Variants in PCDHGB6 observed in about 807,000 individuals in gnomAD.
PCDHGB6 encodes the protein protocadherin gamma-B6.
In PCDHGB6, 51 loss-of-function variants were observed where a neutral mutation model predicts 59.1. The observed-to-expected ratio is 0.86, with a 90% CI of 0.69 to 1.09. The LOEUF (loss-of-function observed/expected upper bound fraction) is 1.09. Among genes scored for constraint, PCDHGB6 ranks in the 50% least tolerant of loss-of-function variants. The pLI is 0.00. For synonymous variants in PCDHGB6, 466 were observed against 495.1 expected (o/e 0.94, Z 0.78); for missense variants, 1,148 against 1,205.1 (o/e 0.95, Z 0.70).
At chr5:141,478,500 T>G in intron 1 of PCDHGB6, 1 of 1,612,740 alleles carries the variant, frequency 6.2e-7, no homozygotes, top group Non-Finnish European at 8.5e-7. Flanking sequence ...TGTGATCCGG[T>G]GTTCTATAGG....
rs747437039 is a variant in PCDHGB6 at position 141,413,919 on chromosome 5, G to T, written c.2418+3299G>T. The T allele has an allele frequency of 1.2e-5, 19 of 1,613,284 alleles. 1 individual carries two copies. The highest frequency in any genetic ancestry group is 1.6e-5 in the Non-Finnish European group (19 of 1,179,890). ...ATGACAACGCGCCGGTCTTCACCTT[G>T]CCAGAATACCGAGTGAGTGTTCCTG... On this transcript the variant is annotated intron_variant, in intron 1 of 3. Transcript: ENST00000520790.
chr5:141,476,733 G>C lies in PCDHGB6; in HGVS notation c.2419-18074G>C, dbSNP rs373439335. On this transcript the variant is annotated intron_variant, in intron 1 of 3. Transcript: ENST00000520790. This position sits in a 1 kb window ranked among gnomAD's most constrained non-coding sequence, Gnocchi z 7.6. ...TTGGAGCGCGCCCTGGACCGAGAAC[G>C]GGAGCCTAGTCTCCAGTTAGTGCTG... 6.2e-6 allele frequency: 10 copies of C among 1,614,062 alleles called. No individual in the cohort carries two copies. The highest frequency in any genetic ancestry group is 2.2e-5 in the East Asian group (1 of 44,870).
intron 1 of PCDHGB6, among the ~76,000 whole-genome samples, chr5:141,494,039 G>A (rs901795348): frequency 2.0e-5 from 3 of 152,144 alleles, no homozygotes; most frequent in Non-Finnish European, 4.4e-5. Context: ...GACTTAGTTG[G>A]CCCTGCTTGG....
chr5:141,501,290 T>TACACACAC (rs55762287), intron 2 of PCDHGB6, among the ~76,000 whole-genome samples: 94 of 136,244 alleles, frequency 6.9e-4, no homozygotes, highest in Admixed American at 2.2e-3. Context: ...TATTCCCTTA[T>TACACACAC]ACACACACAC....
At chr5:141,504,306 G>A (rs2099837315) in intron 2 of PCDHGB6, among the ~76,000 whole-genome samples, 1 of 152,076 alleles carries the variant, frequency 6.6e-6, no homozygotes, top group South Asian at 2.1e-4. Context: ...AACACTCGGA[G>A]TTTCTAAAAG....
intron 1 of PCDHGB6, among the ~76,000 whole-genome samples, chr5:141,430,341 C>T (rs766664177): frequency 1.4e-4 from 21 of 149,938 alleles, no homozygotes; most frequent in Non-Finnish European, 2.8e-4. Context: ...TAGAAACTTC[C>T]AATTCATTTA....
intron 2 of PCDHGB6, among the ~76,000 whole-genome samples, chr5:141,498,949 AAGAG>A (rs1417276243): frequency 1.3e-4 from 18 of 133,552 alleles, no homozygotes; most frequent in African/African-American, 1.9e-4. Context: ...AAGAAAGAAA[AAGAG>A]AGAGAGGGAG....
chr5:141,422,330 C>A, intron 1 of PCDHGB6: 1 of 1,548,166 alleles, frequency 6.5e-7, no homozygotes. Flanking sequence ...ACAGTGATTG[C>A]TCTTCTAAAT....
At chr5:141,414,834 C>T in intron 1 of PCDHGB6, 1 of 1,614,252 alleles carries the variant, frequency 6.2e-7, no homozygotes, top group South Asian at 1.1e-5. Context: ...TGTCGTTGAG[C>T]CTGTTTGTGC....
intron 1 of PCDHGB6, chr5:141,427,891 G>A (rs767506033): frequency 1.3e-6 from 2 of 1,566,658 alleles, no homozygotes; most frequent in South Asian, 2.2e-5. Context: ...CACGACCAGG[G>A]CTCGCCCGCG....
chr5:141,418,178 G>A, intron 1 of PCDHGB6: 1 of 1,614,080 alleles, frequency 6.2e-7, no homozygotes, highest in Non-Finnish European at 8.5e-7. Flanking sequence ...GTTGCAATTG[G>A]AAGCTGTGGT....
chr5:141,451,414 A>G (rs934393544), intron 1 of PCDHGB6, among the ~76,000 whole-genome samples: 2 of 152,108 alleles, frequency 1.3e-5, no homozygotes, highest in African/African-American at 2.4e-5. Flanking sequence ...TTCCTTGTGG[A>G]TTGTTAGACT....
intron 2 of PCDHGB6, among the ~76,000 whole-genome samples, chr5:141,498,004 G>C (rs1385457484): frequency 6.6e-6 from 1 of 152,316 alleles, no homozygotes; most frequent in African/African-American, 2.4e-5. Flanking sequence ...GGAGTTTACA[G>C]TGCACTGAAG....
chr5:141,431,389 G>T lies in PCDHGB6; in HGVS notation c.2418+20769G>T, dbSNP rs1213370298. 1 of 1,613,876 alleles carries T rather than the reference G, an allele frequency of 6.2e-7. No homozygotes were observed. Among genetic ancestry groups the T allele is most frequent in the Admixed American group, 1.7e-5 (1 of 60,028 alleles). On this transcript the variant is annotated intron_variant, in intron 1 of 3. Transcript: ENST00000520790. This position sits in a 1 kb window ranked among gnomAD's most constrained non-coding sequence, Gnocchi z 4.8. ...GCGAAGAAAAGGCTGCTCACCACCT[G>T]GTCCTTACGGCCTCCGACGGGGGCG...
intron 3 of PCDHGB6, among the ~76,000 whole-genome samples, chr5:141,509,049 C>G (rs1384134813): frequency 3.3e-5 from 5 of 152,150 alleles, no homozygotes; most frequent in Non-Finnish European, 5.9e-5. Context: ...TCCCCCGCCC[C>G]CAGAAAGCTC....
At chr5:141,418,604 G>A in intron 1 of PCDHGB6, 2 of 1,614,040 alleles carry the variant, frequency 1.2e-6, no homozygotes, top group Non-Finnish European at 1.7e-6. Context: ...CGTGTACAGG[G>A]TTAGCCTTCG....
chr5:141,431,435 G>C lies in PCDHGB6; in HGVS notation c.2418+20815G>C, dbSNP rs376827063. The C allele has an allele frequency of 6.2e-7, 1 of 1,613,668 alleles. No homozygotes were observed. The highest frequency in any genetic ancestry group is 1.7e-5 in the Admixed American group (1 of 60,010). On this transcript the variant is annotated intron_variant, in intron 1 of 3. Coordinates refer to ENST00000520790, the MANE Select transcript of PCDHGB6 (RefSeq NM_018926.3). This position sits in a 1 kb window ranked among gnomAD's most constrained non-coding sequence, Gnocchi z 4.8. ...GGGCGACCCGGTGCGCACAGGCACC[G>C]CGCGCATCCGCGTGATGGTTCTGGA...
At chr5:141,427,818 G>A (rs1356936077) in intron 1 of PCDHGB6, 3 of 1,530,644 alleles carry the variant, frequency 2.0e-6, no homozygotes, top group Non-Finnish European at 2.7e-6. Context: ...GAGCGGGGTG[G>A]TGGTCGCGCA....
At chr5:141,417,452 C>A in intron 1 of PCDHGB6, 1 of 173,536 alleles carries the variant, frequency 5.8e-6, no homozygotes, top group Non-Finnish European at 1.2e-5. Flanking sequence ...ATAGTTATGA[C>A]CAAGTGGAAA....
Sources: allele counts gnomAD v4.1 joint callset (sites outside exome capture counted in the v4.1 genomes callset), GRCh38; gene constraint gnomAD v4.1.1; non-coding constraint Gnocchi (gnomAD v3.1); transcripts MANE v1.5; gene names NCBI Gene and HGNC (gene_info 2026-07-23, HGNC 2026-07-21).